The following IKBKB variants were observed in gnomAD, a reference collection of about 807,000 sequenced individuals.
The protein encoded by IKBKB is inhibitor of nuclear factor kappa-B kinase subunit beta.
In IKBKB, 42 loss-of-function variants were observed where a neutral mutation model predicts 113.6. The observed-to-expected ratio is 0.37, with a 90% CI of 0.29 to 0.48. The LOEUF is 0.48. IKBKB is among the 20% of genes least tolerant of loss of function. IKBKB has a pLI of 0.99. For missense variants in IKBKB, 673 were observed against 939.7 expected (o/e 0.72, Z 3.71); for synonymous variants, 296 against 361.3 (o/e 0.82, Z 2.05).
Position 42,331,551 on chromosome 8 carries a change from G to T in IKBKB, c.*572G>T. On this transcript the variant is annotated 3_prime_UTR_variant, in exon 22 of 22. Transcript: ENST00000520810. ...ACAGTTTAATTATAGTTGCGGCCTGGCCCCATCCTCACTTCCTCTTTTTAT... is the reference window on the plus strand; with the variant it reads ...ACAGTTTAATTATAGTTGCGGCCTGTCCCCATCCTCACTTCCTCTTTTTAT... The T allele has an allele frequency of 1.6e-6, 1 of 607,098 alleles. No individual in the cohort carries two copies. 37.6% of individuals were successfully genotyped at this position (607,098 alleles called of 1,614,324 possible). A position where few individuals can be genotyped will look rare whatever the true frequency, so the allele number is the denominator to read the frequency against.
intron 8 of IKBKB, chr8:42,314,108 C>T: frequency 5.5e-6 from 3 of 542,558 alleles, no homozygotes; most frequent in Non-Finnish European, 1.0e-5. Flanking sequence ...ATTGTGTTAC[C>T]CTGGCCTACA....
intron 13 of IKBKB, 94 bp from the exon 14 acceptor site, chr8:42,319,176 C>T: frequency 3.6e-6 from 4 of 1,111,128 alleles, no homozygotes; most frequent in Non-Finnish European, 5.4e-6. Flanking sequence ...ATAGCAGGGA[C>T]CTCCCTTGAC....
intron 20 of IKBKB, 30 bp downstream of exon 20, chr8:42,326,127 A>T: frequency 1.9e-6 from 3 of 1,613,154 alleles, no homozygotes; most frequent in Non-Finnish European, 2.5e-6. Context: ...GCCAAGTGTG[A>T]CCATCAAGGG....
intron 6 of IKBKB, among the ~76,000 whole-genome samples, 167 bp downstream of exon 6, chr8:42,305,442 G>A (rs1816317387): frequency 6.6e-6 from 1 of 152,224 alleles, no homozygotes; most frequent in Non-Finnish European, 1.5e-5. Context: ...CAAAAAAGTT[G>A]TTGCAGATTG....
rs892958788 is a variant in IKBKB, at chr8:42,331,545, G to A, written c.*566G>A. The A allele has an allele frequency of 1.6e-5, 10 of 612,084 alleles. No homozygotes were observed. Among genetic ancestry groups the A allele is most frequent in the East Asian group, 2.7e-5 (1 of 36,406 alleles). 37.9% of individuals were successfully genotyped at this position (612,084 alleles called of 1,614,324 possible). A position where few individuals can be genotyped will look rare whatever the true frequency, so the allele number is the denominator to read the frequency against. On this transcript the variant is annotated 3_prime_UTR_variant, in exon 22 of 22. Coordinates refer to ENST00000520810, the MANE Select transcript of IKBKB (RefSeq NM_001556.3). ...AAACAGACAGTTTAATTATAGTTGCGGCCTGGCCCCATCCTCACTTCCTCT... is the reference window on the plus strand; with the variant it reads ...AAACAGACAGTTTAATTATAGTTGCAGCCTGGCCCCATCCTCACTTCCTCT...
At chr8:42,325,350 AC>A in intron 19 of IKBKB, 1 of 985,830 alleles carries the variant, frequency 1.0e-6, no homozygotes, top group Middle Eastern at 5.2e-4. Context: ...TCTGTCTTCT[AC>A]CTGGAAAACA....
In IKBKB at chr8:42,308,885, C is replaced by T. The variant is rs1563340621; in HGVS notation, c.568-16C>T. 1.2e-6 allele frequency: 2 copies of T among 1,613,252 alleles called. No homozygotes were observed. The highest frequency in any genetic ancestry group is 1.7e-5 in the Admixed American group (1 of 59,958). On this transcript the variant is annotated splice_polypyrimidine_tract_variant and intron_variant, in intron 7 of 21. Transcript: ENST00000520810. ...AGAGAGGAGCAGCTCAGGTGTACCC[C>T]CTCCTGTTGCTGCAGGCCCCAGAGC... is the stretch of plus-strand genomic sequence containing the variant.
At chr8:42,306,567 C>A in intron 7 of IKBKB, 135 bp downstream of exon 7, 1 of 643,984 alleles carries the variant, frequency 1.6e-6, no homozygotes, top group South Asian at 1.8e-5. Flanking sequence ...TGAGGTCACA[C>A]CCATAACCTG....
chr8:42,297,820 G>A (rs532050440), intron 5 of IKBKB, among the ~76,000 whole-genome samples: 1 of 152,114 alleles, frequency 6.6e-6, no homozygotes, highest in Non-Finnish European at 1.5e-5. Flanking sequence ...ACTTGAACCC[G>A]GGAGGCAGAG....
chr8:42,329,387 A>T, intron 21 of IKBKB, 173 bp downstream of exon 21: 1 of 1,118,354 alleles, frequency 8.9e-7, no homozygotes, highest in Non-Finnish European at 1.1e-6. Context: ...CAGTGGCATG[A>T]TCTTGGCTCA....
At chr8:42,271,794 G>A in intron 1 of IKBKB, 1 of 517,624 alleles carries the variant, frequency 1.9e-6, no homozygotes, top group South Asian at 2.5e-5. Context: ...CCCTGGTGGA[G>A]TCAGCTGGGG....
intron 5 of IKBKB, 164 bp downstream of exon 5, chr8:42,293,676 A>G (rs1000562997): frequency 5.2e-6 from 6 of 1,157,228 alleles, no homozygotes; most frequent in Non-Finnish European, 7.3e-6. Flanking sequence ...GGAGGTCAAC[A>G]AGGAGTCAGC....
intron 5 of IKBKB, among the ~76,000 whole-genome samples, chr8:42,293,901 A>G (rs751907865): frequency 1.4e-4 from 21 of 152,196 alleles, no homozygotes; most frequent in Non-Finnish European, 2.6e-4. Context: ...TTCTTTGCCA[A>G]TGAGAGGCGT....
rs201833459 is a variant in IKBKB, at chr8:42,331,348, G to A, written c.*369G>A. ...CTCCTTCCTCTGCCGTGAGAAAAGT[G>A]CTTGGAGTACGGTTTGCCACACACG... On this transcript the variant is annotated 3_prime_UTR_variant, in exon 22 of 22. Transcript: ENST00000520810. The A allele has an allele frequency of 1.4e-6, 1 of 702,926 alleles. No homozygotes were observed. Among genetic ancestry groups the A allele is most frequent in the East Asian group, 2.7e-5 (1 of 37,282 alleles). 43.5% of individuals were successfully genotyped at this position (702,926 alleles called of 1,614,324 possible).
At chr8:42,315,915 G>A (rs956143788) in intron 9 of IKBKB, among the ~76,000 whole-genome samples, 1 of 151,936 alleles carries the variant, frequency 6.6e-6, no homozygotes, top group Non-Finnish European at 1.5e-5. Flanking sequence ...CACCTGCTTT[G>A]GCCTCCCCAA....
intron 3 of IKBKB, among the ~76,000 whole-genome samples, chr8:42,289,788 AAG>A (rs1812207744): frequency 6.6e-6 from 1 of 152,132 alleles, no homozygotes; most frequent in African/African-American, 2.4e-5. Flanking sequence ...TGAAAACAAA[AAG>A]AGCAGGCACC....
chr8:42,328,963 G>T (rs914075882), intron 20 of IKBKB, among the ~76,000 whole-genome samples, 161 bp from the exon 21 acceptor site: 16 of 152,186 alleles, frequency 1.1e-4, no homozygotes. Context: ...ATGAATGAAA[G>T]TATTAGTCAG....
intron 4 of IKBKB, 114 bp downstream of exon 4, chr8:42,290,387 G>A: frequency 1.4e-6 from 1 of 740,514 alleles, no homozygotes; most frequent in Non-Finnish European, 2.3e-6. Flanking sequence ...GGGAGCCCCA[G>A]TGACTCCAGC....
chr8:42,306,567 C>T, intron 7 of IKBKB, 135 bp downstream of exon 7: 1 of 643,984 alleles, frequency 1.6e-6, no homozygotes, highest in South Asian at 1.8e-5. Context: ...TGAGGTCACA[C>T]CCATAACCTG....
Sources: gnomAD v4.1 joint callset for allele counts (sites outside exome capture counted in the v4.1 genomes callset) on GRCh38, gnomAD v4.1.1 for gene constraint, MANE v1.5 for transcripts, NCBI Gene and HGNC (gene_info 2026-07-23, HGNC 2026-07-21) for gene names.